The following GTF2F1 variants were observed in gnomAD, a reference collection of about 807,000 sequenced individuals.
GTF2F1 encodes the protein general transcription factor IIF 74 kDa subunit.
Under a neutral mutation model 63.5 loss-of-function variants are expected in GTF2F1, and 39 were observed. The ratio of observed to expected loss-of-function variants is 0.61; its 90% CI spans 0.48 to 0.80. The LOEUF is 0.80. Ranked by LOEUF, GTF2F1 falls within the 30% of genes least tolerant of loss-of-function variation. GTF2F1 has a pLI of 0.00. For synonymous variants in GTF2F1, 287 were observed against 285.3 expected, an observed-to-expected ratio of 1.01 and a Z score of -0.06; for missense variants, 657 against 718.3, an observed-to-expected ratio of 0.91 and a Z score of 0.97.
rs1599213156 is a variant in GTF2F1, at chr19:6,386,160, C to T, written c.497+1229G>A. Reference sequence around the variant, plus strand: ...CCACACTTAGGGAGGCTGAGGGGGGCAGATCACCTGAGGTTAGGAGTTTGA... The same window carrying T: ...CCACACTTAGGGAGGCTGAGGGGGGTAGATCACCTGAGGTTAGGAGTTTGA... On this transcript the variant is annotated intron_variant, in intron 5 of 12. Transcript: ENST00000394456. Among the ~76,000 whole-genome samples, 3 of 152,054 alleles carry T rather than the reference C, an allele frequency of 2.0e-5. No homozygotes were observed. The East Asian group carries it at 5.9e-4, about 30-fold the overall frequency.
rs184566902 is a variant in GTF2F1, at chr19:6,387,919, C to T, written c.327-360G>A. Among the ~76,000 whole-genome samples the T allele has an allele frequency of 2.7e-4, 40 of 150,136 alleles. No homozygotes were observed. In the East Asian group the frequency reaches 3.1e-3, roughly 12 times the overall value. ...TGAGGAGCCAAGTGAGAAGATGGGGCGGGAAGGCATGGCCAAATTTTTTTT... is the reference window on the plus strand; with the variant it reads ...TGAGGAGCCAAGTGAGAAGATGGGGTGGGAAGGCATGGCCAAATTTTTTTT... On this transcript the variant is annotated intron_variant, in intron 4 of 12. Coordinates refer to ENST00000394456, the MANE Select transcript of GTF2F1 (RefSeq NM_002096.3).
chr19:6,392,175 T>G (rs779516636), intron 2 of GTF2F1: 50 of 622,132 alleles, frequency 8.0e-5, no homozygotes, highest in Non-Finnish European at 6.0e-5. Context: ...GAATCATTAA[T>G]TCAATTCAAT....
intron 5 of GTF2F1, among the ~76,000 whole-genome samples, chr19:6,384,713 T>G (rs920494694): frequency 1.3e-5 from 2 of 152,162 alleles, no homozygotes; most frequent in South Asian, 2.1e-4. Context: ...GGCTGGAGGC[T>G]CGCTTGAACC....
rs1346525407 is a variant in GTF2F1 at position 6,393,132 on chromosome 19, G to A, written c.-137C>T. 3 of 1,123,516 alleles carry A rather than the reference G, an allele frequency of 2.7e-6. No individual in the cohort carries two copies. Among genetic ancestry groups the A allele is most frequent in the Non-Finnish European group, 2.6e-6 (2 of 765,418 alleles). 69.6% of individuals were successfully genotyped at this position (1,123,516 alleles called of 1,614,324 possible). On this transcript the variant is annotated 5_prime_UTR_variant, in exon 1 of 13. Coordinates refer to ENST00000394456, the MANE Select transcript of GTF2F1 (RefSeq NM_002096.3). The stretch of plus-strand genomic sequence containing the variant: ...CTGAGCGAGGACCCCAACCCTAGGC[G>A]CCTCTGGCGCTGGGAAAAGGTAACC...
intron 5 of GTF2F1, among the ~76,000 whole-genome samples, chr19:6,384,535 T>G (rs953654853): frequency 6.7e-6 from 1 of 149,900 alleles, no homozygotes; most frequent in Non-Finnish European, 1.5e-5. Context: ...CTGCATTTAA[T>G]AGGAATGCAT....
chr19:6,387,201 GT>G (rs1568330981), intron 5 of GTF2F1, 187 bp downstream of exon 5: 1 of 553,284 alleles, frequency 1.8e-6, no homozygotes, highest in South Asian at 2.3e-5. Context: ...ACCCTCTGGG[GT>G]GCCCCATTGT....
At position 6,385,851 on chromosome 19, in the gene GTF2F1, C is replaced by T. The variant is rs139406674; in HGVS notation, c.497+1538G>A. ...CTGTAATCCCAGCACTTTGGGAGGC[C>T]GAGGCAGGCAGATCACGAGGTCAGG... On this transcript the variant is annotated intron_variant, in intron 5 of 12. Transcript: ENST00000394456. Among the ~76,000 whole-genome samples, 1,023 of 151,528 alleles carry T rather than the reference C, an allele frequency of 6.8e-3. 6 individuals carry two copies. The highest frequency in any genetic ancestry group is 0.023 in the African/African-American group (959 of 41,276).
In GTF2F1 at chr19:6,383,679, G is replaced by A. The variant is rs1209887234; in HGVS notation, c.498-184C>T. Among the ~76,000 whole-genome samples the A allele has an allele frequency of 6.6e-6, 1 of 152,190 alleles. No homozygotes were observed. Among genetic ancestry groups the A allele is most frequent in the African/African-American group, 2.4e-5 (1 of 41,448 alleles). ...TAGAGCCAGCCCTTCCTGCCTTCCCGTTCTGCCCCGAGTCCCTCAAAGAGC... is the reference window on the plus strand; with the variant it reads ...TAGAGCCAGCCCTTCCTGCCTTCCCATTCTGCCCCGAGTCCCTCAAAGAGC... On this transcript the variant is annotated intron_variant, in intron 5 of 12. Transcript: ENST00000394456. The surrounding 1 kb of genome is among the most constrained non-coding windows in gnomAD (Gnocchi z 4.5).
In GTF2F1 at chr19:6,391,969, G is replaced by A; in HGVS notation, c.65C>T (p.Thr22Ile). ...AGCCATGATGTTATATTTTTTGGTT[G>A]TATTCCTGGAGTGGATGAGAAGAGG... ...TEYVVRVPKN[T>I]TKKYNIMAFN... The change falls in exon 3 of 13, where the codon ACA (threonine) becomes ATA (isoleucine). Residue 22 changes from threonine to isoleucine, a missense_variant. Around this residue, in one of 2 missense-constraint regions of GTF2F1, gnomAD observed 602 missense variants for 625.6 expected, o/e 0.96. Transcript: ENST00000394456. 1 of 1,559,066 alleles carries A rather than the reference G, an allele frequency of 6.4e-7. No individual in the cohort carries two copies. Among genetic ancestry groups the A allele is most frequent in the Non-Finnish European group, 8.7e-7 (1 of 1,145,176 alleles).
In GTF2F1 at chr19:6,389,429, C is replaced by T. The variant is rs182752546; in HGVS notation, c.326+15G>A. Reference sequence around the variant, plus strand: ...CTGGTCACTAAGCCGGCACCGCCACCGCCCCACCACTTACTTCCTGCCTGA... The same window carrying T: ...CTGGTCACTAAGCCGGCACCGCCACTGCCCCACCACTTACTTCCTGCCTGA... On this transcript the variant is annotated intron_variant, in intron 4 of 12. Coordinates refer to ENST00000394456, the MANE Select transcript of GTF2F1 (RefSeq NM_002096.3). 456 of 1,610,322 alleles carry T rather than the reference C, an allele frequency of 2.8e-4. 1 individual carries two copies. The African/African-American group carries it at 5.1e-3, about 18-fold the overall frequency.
Position 6,391,139 on chromosome 19 carries a change from G to A in GTF2F1, c.132+763C>T, listed in dbSNP as rs562187926. ...TCCAGTTGCTTCTACCTTGGTCTCC[G>A]TTTATTTGCCCTCAAACCCACAGTT... is the stretch of plus-strand genomic sequence containing the variant. On this transcript the variant is annotated intron_variant, in intron 3 of 12. Coordinates refer to ENST00000394456, the MANE Select transcript of GTF2F1 (RefSeq NM_002096.3). 6.6e-5 allele frequency among the ~76,000 whole-genome samples: 10 copies of A among 152,218 alleles called. No individual in the cohort carries two copies. The South Asian group carries it at 1.0e-3, about 16-fold the overall frequency.
chr19:6,389,457 T>C lies in GTF2F1; in HGVS notation c.313A>G (p.Lys105Glu). ...CCCACCACTTACTTCCTGCCTGATT[T>C]GCCGTTGACCCGGAGCAGCCAGGGC... ...DQPWLLRVNG[K>E]SGRKFKGIKK... The change falls in exon 4 of 13, where the codon AAA becomes GAA. Residue 105 changes from lysine to glutamate, a missense_variant. Coordinates refer to ENST00000394456, the MANE Select transcript of GTF2F1 (RefSeq NM_002096.3). 6.2e-7 allele frequency: 1 copy of C among 1,613,716 alleles called. No homozygotes were observed. Among genetic ancestry groups the C allele is most frequent in the Non-Finnish European group, 8.5e-7 (1 of 1,179,718 alleles).
chr19:6,386,417 C>CA (rs1301048602), intron 5 of GTF2F1, among the ~76,000 whole-genome samples: 1 of 149,236 alleles, frequency 6.7e-6, no homozygotes, highest in African/African-American at 2.5e-5. Flanking sequence ...AACAAACAAA[C>CA]AAAAAAACAC....
In GTF2F1 at chr19:6,393,119, C is replaced by A; in HGVS notation, c.-124G>T. On this transcript the variant is annotated 5_prime_UTR_variant, in exon 1 of 13. Coordinates refer to ENST00000394456, the MANE Select transcript of GTF2F1 (RefSeq NM_002096.3). ...CGGGTCTCTGTGCCTGAGCGAGGACCCCAACCCTAGGCGCCTCTGGCGCTG... is the reference window on the plus strand; with the variant it reads ...CGGGTCTCTGTGCCTGAGCGAGGACACCAACCCTAGGCGCCTCTGGCGCTG... 1 of 1,294,604 alleles carries A rather than the reference C, an allele frequency of 7.7e-7. No individual in the cohort carries two copies. Among genetic ancestry groups the A allele is most frequent in the Non-Finnish European group, 1.1e-6 (1 of 905,200 alleles). 80.2% of individuals were successfully genotyped at this position (1,294,604 alleles called of 1,614,324 possible).
chr19:6,387,379 G>A lies in GTF2F1; in HGVS notation c.497+10C>T. The A allele has an allele frequency of 6.2e-7, 1 of 1,612,872 alleles. No individual in the cohort carries two copies. Among genetic ancestry groups the A allele is most frequent in the South Asian group, 1.1e-5 (1 of 90,978 alleles). On this transcript the variant is annotated intron_variant, in intron 5 of 12. Transcript: ENST00000394456. ...CACTTCTGTCCCCAGCCACCACCCA[G>A]CCCACTCACCTCTCCCACTCCTCCT...
Position 6,380,778 on chromosome 19 carries a change from G to C in GTF2F1, c.1232-88C>G. On this transcript the variant is annotated intron_variant, in intron 11 of 12. Coordinates refer to ENST00000394456, the MANE Select transcript of GTF2F1 (RefSeq NM_002096.3). This position sits in a 1 kb window ranked among gnomAD's most constrained non-coding sequence, Gnocchi z 5.3. ...CAGGCTGGGCAGTGCCAGGATTAGG[G>C]TTCAAGGGGATCAGGGAGAGACAGG... The C allele has an allele frequency of 1.3e-6, 2 of 1,546,054 alleles. No homozygotes were observed. Among genetic ancestry groups the C allele is most frequent in the South Asian group, 2.3e-5 (2 of 87,854 alleles).
chr19:6,390,610 T>G (rs1363089881), intron 3 of GTF2F1, among the ~76,000 whole-genome samples: 1 of 149,366 alleles, frequency 6.7e-6, no homozygotes, highest in East Asian at 1.9e-4. Context: ...TATATCTATT[T>G]CCTAAAAATA....
intron 4 of GTF2F1, among the ~76,000 whole-genome samples, chr19:6,388,873 G>C (rs2145081238): frequency 6.6e-6 from 1 of 152,240 alleles, no homozygotes; most frequent in East Asian, 1.9e-4. Context: ...TCGAGCCCAG[G>C]AGTTGGAGCC....
intron 5 of GTF2F1, among the ~76,000 whole-genome samples, chr19:6,385,551 C>G (rs1191654369): frequency 2.0e-5 from 3 of 152,154 alleles, no homozygotes; most frequent in Non-Finnish European, 4.4e-5. Flanking sequence ...GCCCCCCCAG[C>G]AATGATTGAT....
Sources: allele counts gnomAD v4.1 joint callset (sites outside exome capture counted in the v4.1 genomes callset), GRCh38; gene constraint gnomAD v4.1.1; regional missense constraint gnomAD v4.1.1; non-coding constraint Gnocchi (gnomAD v3.1); transcripts MANE v1.5; gene names NCBI Gene and HGNC (gene_info 2026-07-23, HGNC 2026-07-21).